Variants in CTNNA3 observed in about 807,000 individuals in gnomAD.
CTNNA3 encodes the protein catenin alpha-3.
In CTNNA3, 76 loss-of-function variants were observed where a neutral mutation model predicts 95.7. The ratio of observed to expected loss-of-function variants is 0.79; its 90% CI spans 0.66 to 0.96. The LOEUF is 0.96. Among genes scored for constraint, CTNNA3 ranks in the 40% least tolerant of loss-of-function variants. The pLI is 0.00. For missense variants in CTNNA3, 1,191 were observed against 1,089.8 expected, an observed-to-expected ratio of 1.09 and a Z score of -1.31; for synonymous variants, 431 against 374.4, an observed-to-expected ratio of 1.15 and a Z score of -1.74.
intron 4 of CTNNA3, among the ~76,000 whole-genome samples, chr10:67,530,762 G>A (rs1430620143): frequency 6.6e-6 from 1 of 152,186 alleles, no homozygotes; most frequent in Non-Finnish European, 1.5e-5. Context: ...TGTCTCCAGG[G>A]CATGTCAGAG....
chr10:67,507,387 G>A (rs1038493909), intron 5 of CTNNA3, among the ~76,000 whole-genome samples: 4 of 151,970 alleles, frequency 2.6e-5, no homozygotes, highest in African/African-American at 9.7e-5. Context: ...AATTAGCTAG[G>A]CATGGTGGCA....
At chr10:65,983,176 T>A (rs1347224875) in intron 16 of CTNNA3, among the ~76,000 whole-genome samples, 2 of 151,646 alleles carry the variant, frequency 1.3e-5, no homozygotes, top group African/African-American at 4.8e-5. Flanking sequence ...TCAGTTACAA[T>A]TAGGTGGGAA....
chr10:66,529,168 A>T (rs568145146), intron 10 of CTNNA3, among the ~76,000 whole-genome samples: 18 of 152,154 alleles, frequency 1.2e-4, no homozygotes, highest in African/African-American at 4.3e-4. Context: ...TGCTCTTATC[A>T]AGCAGACTAG....
intron 9 of CTNNA3, among the ~76,000 whole-genome samples, chr10:66,731,916 T>C (rs1328460829): frequency 2.0e-5 from 3 of 152,320 alleles, no homozygotes; most frequent in Middle Eastern, 3.4e-3. Context: ...GACATGACCT[T>C]AAATGTAACA....
At chr10:67,639,278 C>A (rs1330410567) in intron 2 of CTNNA3, among the ~76,000 whole-genome samples, 1 of 152,156 alleles carries the variant, frequency 6.6e-6, no homozygotes, top group Non-Finnish European at 1.5e-5. Context: ...AATTCCTCGA[C>A]ACATACACCC....
chr10:66,924,121 G>A (rs1332506848), intron 7 of CTNNA3, among the ~76,000 whole-genome samples: 1 of 152,144 alleles, frequency 6.6e-6, no homozygotes, highest in Non-Finnish European at 1.5e-5. Context: ...CCCCTAGAAT[G>A]AGAATCCTGG....
intron 7 of CTNNA3, among the ~76,000 whole-genome samples, chr10:66,891,938 A>G (rs1213203037): frequency 6.6e-6 from 1 of 152,184 alleles, no homozygotes; most frequent in Non-Finnish European, 1.5e-5. Flanking sequence ...CTGGATATCT[A>G]GAAGCCGCAT....
chr10:67,140,519 TAA>T (rs923971803), intron 7 of CTNNA3, among the ~76,000 whole-genome samples: 7 of 152,152 alleles, frequency 4.6e-5, no homozygotes, highest in Admixed American at 4.6e-4. Flanking sequence ...TTTTTAAAAA[TAA>T]AAAGACTTCT....
At chr10:67,590,098 A>G in intron 3 of CTNNA3, among the ~76,000 whole-genome samples, 1 of 152,132 alleles carries the variant, frequency 6.6e-6, no homozygotes, top group Non-Finnish European at 1.5e-5. Context: ...GTTTATGAAT[A>G]CAAAATATAT....
rs1433575876 is a variant in CTNNA3 at position 66,958,950 on chromosome 10, T to G, written c.1048-183426A>C. 6.6e-5 allele frequency among the ~76,000 whole-genome samples: 10 copies of G among 152,300 alleles called. No individual in the cohort carries two copies. In the East Asian group the frequency reaches 1.9e-3, roughly 29 times the overall value. On this transcript the variant is annotated intron_variant, in intron 7 of 17. Transcript: ENST00000433211. ...TTTAACTTGTCCAAGTAGTTACGCT[T>G]CTATTCAGACATAGGGAGAGAGAGT...
At chr10:66,060,996 A>C (rs2080185085) in intron 15 of CTNNA3, among the ~76,000 whole-genome samples, 1 of 152,102 alleles carries the variant, frequency 6.6e-6, no homozygotes, top group Admixed American at 6.6e-5. Flanking sequence ...GCTTTCCTCT[A>C]GAAAGTTTTA....
chr10:67,281,951 C>G (rs1163411112), intron 5 of CTNNA3, among the ~76,000 whole-genome samples: 1 of 152,114 alleles, frequency 6.6e-6, no homozygotes, highest in Non-Finnish European at 1.5e-5. Context: ...TGACTACTCT[C>G]TACATAGAAA....
At chr10:67,755,386 C>T (rs964376911) in intron 1 of CTNNA3, among the ~76,000 whole-genome samples, 4 of 152,026 alleles carry the variant, frequency 2.6e-5, no homozygotes, top group Non-Finnish European at 5.9e-5. Flanking sequence ...AGCCATTATA[C>T]GCGATTGGCA....
chr10:67,722,768 G>A (rs1841186686), intron 1 of CTNNA3, among the ~76,000 whole-genome samples: 1 of 152,068 alleles, frequency 6.6e-6, no homozygotes, highest in Admixed American at 6.6e-5. Flanking sequence ...CCTTTTAAAT[G>A]ACTGCATGGT....
intron 12 of CTNNA3, among the ~76,000 whole-genome samples, chr10:66,330,440 G>T (rs1360690786): frequency 6.7e-6 from 1 of 149,492 alleles, no homozygotes; most frequent in Non-Finnish European, 1.5e-5. Context: ...TGGTGTATAT[G>T]TGCCACATTT....
intron 11 of CTNNA3, among the ~76,000 whole-genome samples, chr10:66,428,535 G>T (rs1255947591): frequency 1.3e-5 from 2 of 152,200 alleles, no homozygotes; most frequent in East Asian, 3.9e-4. Context: ...TAAAAGAACA[G>T]AAATTATAAC....
chr10:67,245,556 G>A (rs1051058244), intron 5 of CTNNA3, among the ~76,000 whole-genome samples: 1 of 151,984 alleles, frequency 6.6e-6, no homozygotes, highest in Non-Finnish European at 1.5e-5. Context: ...CTATCATATG[G>A]CAATAAAATA....
chr10:67,002,836 T>A lies in CTNNA3; in HGVS notation c.1047+177481A>T, dbSNP rs189826541. Among the ~76,000 whole-genome samples, 616 of 152,268 alleles carry A rather than the reference T, an allele frequency of 4.0e-3. 4 individuals carry two copies. Among genetic ancestry groups the A allele is most frequent in the Admixed American group, 9.7e-3 (149 of 15,284 alleles). On this transcript the variant is annotated intron_variant, in intron 7 of 17. Transcript: ENST00000433211. ...AGCATGTATTTGATTATGAATGTCT[T>A]CATATAAATAAAAAACAATTTTTTA...
At chr10:66,866,502 A>G (rs899623426) in intron 7 of CTNNA3, among the ~76,000 whole-genome samples, 3 of 152,190 alleles carry the variant, frequency 2.0e-5, no homozygotes, top group African/African-American at 7.2e-5. Context: ...TATTTTGTGG[A>G]TACACAATGA....
Sources: gnomAD v4.1 joint callset for allele counts (sites outside exome capture counted in the v4.1 genomes callset) on GRCh38, gnomAD v4.1.1 for gene constraint, MANE v1.5 for transcripts, NCBI Gene and HGNC (gene_info 2026-07-23, HGNC 2026-07-21) for gene names.